Variants in DOCK1 observed in about 807,000 individuals in gnomAD.
DOCK1 encodes dedicator of cytokinesis 1, also known as dedicator of cytokinesis protein 1.
A neutral mutation model predicts 262.7 loss-of-function variants in DOCK1; 138 were observed. That is an observed-to-expected ratio of 0.53 (90% CI 0.46 to 0.61). The LOEUF is 0.61. Among genes scored for constraint, DOCK1 ranks in the 20% least tolerant of loss-of-function variants. The probability of loss-of-function intolerance (pLI) is 0.00; values close to 1 mark genes in which losing one functional copy is unlikely to be tolerated. For missense variants in DOCK1, 1,908 were observed against 2,370.7 expected (o/e 0.80, Z 4.05); for synonymous variants, 866 against 867.4 (o/e 1.00, Z 0.03).
chr10:127,021,287 T>A (rs1219461830), intron 13 of DOCK1, among the ~76,000 whole-genome samples: 1 of 152,116 alleles, frequency 6.6e-6, no homozygotes, highest in Non-Finnish European at 1.5e-5. Context: ...TGCCTGAGCC[T>A]CCGGAGTAGC....
chr10:126,963,158 A>G (rs985430978), intron 1 of DOCK1, among the ~76,000 whole-genome samples: 105 of 152,202 alleles, frequency 6.9e-4, no homozygotes, highest in Middle Eastern at 3.4e-3. Context: ...TCGGGCCTCC[A>G]ATTTTGTTTT....
rs1295423720 is a variant in DOCK1 at position 126,938,938 on chromosome 10, C to T, written c.47-31764C>T. Among the ~76,000 whole-genome samples, 405 of 63,382 alleles carry T rather than the reference C, an allele frequency of 6.4e-3. 5 individuals carry two copies. Among genetic ancestry groups the T allele is most frequent in the African/African-American group, 0.027 (386 of 14,162 alleles). 41.6% of individuals were successfully genotyped at this position (63,382 alleles called of 152,430 possible). On this transcript the variant is annotated intron_variant, in intron 1 of 51. Coordinates refer to ENST00000623213, the MANE Select transcript of DOCK1 (RefSeq NM_001290223.2). ...ACCTGAAAGGATGAACACGGGGGGA[C>T]GAACACTGGGGGGGCGAACACCTGG...
At chr10:127,055,725 T>G (rs1295735884) in intron 22 of DOCK1, among the ~76,000 whole-genome samples, 1 of 152,216 alleles carries the variant, frequency 6.6e-6, no homozygotes, top group African/African-American at 2.4e-5. Flanking sequence ...TGGGAGTCAA[T>G]CTCTGAGACT....
At chr10:127,048,889 G>A (rs1416263324) in intron 21 of DOCK1, among the ~76,000 whole-genome samples, 1 of 152,180 alleles carries the variant, frequency 6.6e-6, no homozygotes, top group African/African-American at 2.4e-5. Flanking sequence ...TCTACGAAAA[G>A]TCATAGCTAA....
At chr10:127,451,203 G>C (rs2070942305) in intron 51 of DOCK1, 129 bp from the exon 52 acceptor site, 1 of 1,034,176 alleles carries the variant, frequency 9.7e-7, no homozygotes, top group South Asian at 1.4e-5. Flanking sequence ...GGACAGGATG[G>C]AGCCCAACTC....
At chr10:126,968,039 C>T (rs1025310915) in intron 1 of DOCK1, among the ~76,000 whole-genome samples, 2 of 152,104 alleles carry the variant, frequency 1.3e-5, no homozygotes, top group African/African-American at 4.8e-5. Context: ...TGGTCTCGAA[C>T]TCCTGGCCTC....
At chr10:127,404,577 C>A in intron 40 of DOCK1, 148 bp downstream of exon 40, 1 of 685,780 alleles carries the variant, frequency 1.5e-6, no homozygotes, top group South Asian at 2.1e-5. Flanking sequence ...GCCCGGGGGG[C>A]AGAGAGGGGT....
chr10:127,024,646 A>T (rs777685729), intron 14 of DOCK1, 39 bp from the exon 15 acceptor site: 8 of 1,554,426 alleles, frequency 5.1e-6, no homozygotes, highest in Non-Finnish European at 7.0e-6. Flanking sequence ...GTCAAGCTCT[A>T]TGAGGTCTTA....
At chr10:127,373,655 G>C (rs1438366418) in intron 33 of DOCK1, 126 bp from the exon 34 acceptor site, 1 of 821,310 alleles carries the variant, frequency 1.2e-6, no homozygotes, top group Non-Finnish European at 1.9e-6. Flanking sequence ...CTTAAATGAG[G>C]CTTCAAAGGC....
At chr10:127,160,174 G>T (rs2053473797) in intron 27 of DOCK1, among the ~76,000 whole-genome samples, 1 of 151,818 alleles carries the variant, frequency 6.6e-6, no homozygotes, top group African/African-American at 2.4e-5. Context: ...GCTGTCATTA[G>T]AAGCAAAGAC....
At chr10:127,193,559 C>T in intron 27 of DOCK1, among the ~76,000 whole-genome samples, 1 of 152,154 alleles carries the variant, frequency 6.6e-6, no homozygotes, top group Non-Finnish European at 1.5e-5. Context: ...AATGAGATAG[C>T]CATGGCTGGG....
chr10:127,323,638 AC>A (rs1324032492), intron 29 of DOCK1, among the ~76,000 whole-genome samples: 2 of 152,160 alleles, frequency 1.3e-5, no homozygotes, highest in Non-Finnish European at 2.9e-5. Context: ...GCACAGAAGG[AC>A]AGGCAGTCAC....
rs546409270 is a variant in DOCK1, at chr10:127,437,774, C to A, written c.5061-1253C>A. On this transcript the variant is annotated intron_variant, in intron 48 of 51. Transcript: ENST00000623213. This position sits in a 1 kb window ranked among gnomAD's most constrained non-coding sequence, Gnocchi z 4.4. ...GATTATAGGCATGAGCCACCATGCCCGGCCCTGCAATGGCCTTCTTAATGA... is the reference window on the plus strand; with the variant it reads ...GATTATAGGCATGAGCCACCATGCCAGGCCCTGCAATGGCCTTCTTAATGA... 3.9e-5 allele frequency among the ~76,000 whole-genome samples: 6 copies of A among 152,220 alleles called. No individual in the cohort carries two copies. Among genetic ancestry groups the A allele is most frequent in the African/African-American group, 1.2e-4 (5 of 41,458 alleles).
chr10:127,066,337 G>A (rs9418733), intron 23 of DOCK1, among the ~76,000 whole-genome samples: 4 of 151,192 alleles, frequency 2.6e-5, no homozygotes, highest in Middle Eastern at 3.4e-3. Context: ...CCAGTTCTTC[G>A]TCTTGAAATT....
chr10:127,117,579 G>A (rs987906438), intron 25 of DOCK1, among the ~76,000 whole-genome samples: 1 of 152,126 alleles, frequency 6.6e-6, no homozygotes, highest in Non-Finnish European at 1.5e-5. Context: ...TTCTGTGTGG[G>A]ACCTTTATCT....
At chr10:127,055,930 A>G (rs568605006) in intron 22 of DOCK1, among the ~76,000 whole-genome samples, 1 of 152,200 alleles carries the variant, frequency 6.6e-6, no homozygotes, top group Non-Finnish European at 1.5e-5. Context: ...GGCACAGAAC[A>G]TGATCGCTCT....
intron 49 of DOCK1, among the ~76,000 whole-genome samples, chr10:127,443,758 C>G (rs7068699): frequency 0.4 from 61,284 of 151,896 alleles, 12,685 homozygotes; most frequent in East Asian, 0.6. Flanking sequence ...CATTGTCACA[C>G]GTTAGCTACA....
At chr10:126,926,077 T>TG (rs1425277483) in intron 1 of DOCK1, among the ~76,000 whole-genome samples, 4 of 152,020 alleles carry the variant, frequency 2.6e-5, no homozygotes, top group African/African-American at 9.7e-5. Context: ...AAATAGTACT[T>TG]GCTTCCTGTG....
intron 1 of DOCK1, among the ~76,000 whole-genome samples, chr10:126,967,619 G>A (rs1013136529): frequency 1.3e-5 from 2 of 152,206 alleles, no homozygotes; most frequent in Admixed American, 6.6e-5. Flanking sequence ...GGCTGTGGGG[G>A]AGTCTGCGCT....
Sources: gnomAD v4.1 joint callset for allele counts (sites outside exome capture counted in the v4.1 genomes callset) on GRCh38, gnomAD v4.1.1 for gene constraint, Gnocchi (gnomAD v3.1) non-coding constraint, MANE v1.5 for transcripts, NCBI Gene and HGNC (gene_info 2026-07-23, HGNC 2026-07-21) for gene names.